The following NALCN variants were observed in gnomAD, a reference collection of about 807,000 sequenced individuals.
The protein encoded by NALCN is sodium leak channel NALCN.
In NALCN, 111 loss-of-function variants were observed where a neutral mutation model predicts 225.3. That is an observed-to-expected ratio of 0.49 (90% CI 0.42 to 0.58). The LOEUF (loss-of-function observed/expected upper bound fraction) is 0.58, where lower values mean the gene tolerates loss of function less well. Ranked by LOEUF, NALCN falls within the 20% of genes least tolerant of loss-of-function variation. The pLI is 0.00. For missense variants in NALCN, 1,378 were observed against 2,202.4 expected, an observed-to-expected ratio of 0.63 and a Z score of 7.49; for synonymous variants, 764 against 769.0, an observed-to-expected ratio of 0.99 and a Z score of 0.11.
chr13:101,251,870 G>A (rs369113170), intron 11 of NALCN, among the ~76,000 whole-genome samples: 2 of 152,132 alleles, frequency 1.3e-5, no homozygotes, highest in African/African-American at 4.8e-5. Flanking sequence ...CACCTTGGCA[G>A]TTTATGACTC....
intron 7 of NALCN, among the ~76,000 whole-genome samples, chr13:101,338,031 T>C (rs187489180): frequency 4.5e-4 from 69 of 152,320 alleles, no homozygotes; most frequent in African/African-American, 1.5e-3. Flanking sequence ...GCACATAATA[T>C]GCAATCGATA....
chr13:101,325,960 ACT>A (rs1372172492), intron 7 of NALCN, among the ~76,000 whole-genome samples: 1 of 151,992 alleles, frequency 6.6e-6, no homozygotes, highest in African/African-American at 2.4e-5. Flanking sequence ...GTTCAGTCAA[ACT>A]CTGTTAATGC....
intron 13 of NALCN, among the ~76,000 whole-genome samples, chr13:101,198,671 G>A (rs1424249356): frequency 3.3e-5 from 5 of 152,150 alleles, no homozygotes; most frequent in Admixed American, 6.5e-5. Flanking sequence ...GGAGAAATAC[G>A]AACACTTTTA....
chr13:101,061,711 C>G (rs897352573), intron 41 of NALCN, among the ~76,000 whole-genome samples: 6 of 152,076 alleles, frequency 3.9e-5, no homozygotes, highest in African/African-American at 1.4e-4. Flanking sequence ...GTCTTCATGT[C>G]ATATTATAAA....
chr13:101,269,748 A>C (rs1032754249), intron 10 of NALCN, among the ~76,000 whole-genome samples: 1 of 152,206 alleles, frequency 6.6e-6, no homozygotes, highest in Non-Finnish European at 1.5e-5. Context: ...AGGCCTCACT[A>C]TACATGTTCC....
intron 33 of NALCN, among the ~76,000 whole-genome samples, 156 bp downstream of exon 33, chr13:101,082,653 G>A (rs1270527647): frequency 1.3e-5 from 2 of 152,136 alleles, no homozygotes; most frequent in African/African-American, 4.8e-5. Context: ...GTCTTTGTTC[G>A]AGTTAAGCAG....
At chr13:101,157,720 T>C (rs2037972569) in intron 15 of NALCN, among the ~76,000 whole-genome samples, 1 of 151,626 alleles carries the variant, frequency 6.6e-6, no homozygotes, top group Admixed American at 6.6e-5. Context: ...CAGTATGACA[T>C]ATGGTTTTGA....
chr13:101,179,210 C>T (rs1265235104), intron 14 of NALCN, among the ~76,000 whole-genome samples: 1 of 152,202 alleles, frequency 6.6e-6, no homozygotes, highest in Non-Finnish European at 1.5e-5. Flanking sequence ...AGCAAACAGG[C>T]TGTGCCAGCT....
chr13:101,342,458 GC>G (rs1334497812), intron 7 of NALCN, among the ~76,000 whole-genome samples: 2 of 152,132 alleles, frequency 1.3e-5, no homozygotes, highest in African/African-American at 4.8e-5. Context: ...AGAAATGAGG[GC>G]CTCTGCCTTG....
chr13:101,280,881 TC>T (rs60312991), intron 10 of NALCN, among the ~76,000 whole-genome samples: 48,620 of 94,422 alleles, frequency 0.51, 9,457 homozygotes, highest in Middle Eastern at 0.56. Flanking sequence ...TCTCTCTCTC[TC>T]TTTTTTTTTT....
chr13:101,261,670 G>A (rs117412875), intron 10 of NALCN, among the ~76,000 whole-genome samples: 1,960 of 152,248 alleles, frequency 0.013, 13 homozygotes, highest in Middle Eastern at 0.051. Flanking sequence ...TTATAGAAAT[G>A]CTACTAATTT....
chr13:101,311,212 T>C (rs2044331408), intron 7 of NALCN, among the ~76,000 whole-genome samples: 1 of 151,516 alleles, frequency 6.6e-6, no homozygotes, highest in African/African-American at 2.4e-5. Flanking sequence ...ATTGATTTTG[T>C]ATCCTGAGAC....
chr13:101,167,696 G>T (rs61974009), intron 15 of NALCN, among the ~76,000 whole-genome samples: 36,083 of 150,936 alleles, frequency 0.24, 5,074 homozygotes, highest in Non-Finnish European at 0.32. Context: ...AAATTAGTTG[G>T]ATTTGGTGGT....
chr13:101,209,352 T>C (rs1190663831), intron 13 of NALCN, among the ~76,000 whole-genome samples: 4 of 152,208 alleles, frequency 2.6e-5, no homozygotes, highest in East Asian at 1.9e-4. Flanking sequence ...ATAATCACTG[T>C]AGAACTTGTA....
upstream of NALCN, among the ~76,000 whole-genome samples, chr13:101,416,992 A>G (rs928264757): frequency 3.9e-5 from 6 of 152,164 alleles, no homozygotes; most frequent in African/African-American, 4.8e-5. Context: ...TGAATGCATC[A>G]GTCACACTTA....
chr13:101,272,784 C>A (rs1250031723), intron 10 of NALCN, among the ~76,000 whole-genome samples: 6 of 152,104 alleles, frequency 3.9e-5, no homozygotes, highest in Non-Finnish European at 7.4e-5. Flanking sequence ...TTCTCATGGG[C>A]TCCATCAATT....
rs762453407 is a variant in NALCN, at chr13:101,055,466, T to G, written c.5046A>C (p.Ser1682=). ...LPSAPKPISH[S]VSSVNLRFGG... is the part of the protein sequence containing the mutation. ...CAAACCGTAAGTTGACTGAGGACAC[T>G]GAATGGCTTATTGGTTTTGGGGCTG... The change falls in exon 44 of 44, where the codon TCA becomes TCC. Residue 1682 remains serine (S), a synonymous_variant. Coordinates refer to ENST00000251127, the MANE Select transcript of NALCN (RefSeq NM_052867.4). 6.2e-7 allele frequency: 1 copy of G among 1,614,148 alleles called. No homozygotes were observed. The highest frequency in any genetic ancestry group is 8.5e-7 in the Non-Finnish European group (1 of 1,180,014).
intron 27 of NALCN, among the ~76,000 whole-genome samples, chr13:101,099,074 A>AAT (rs1847612394): frequency 7.2e-6 from 1 of 138,246 alleles, no homozygotes; most frequent in South Asian, 2.1e-4. Flanking sequence ...GGCCACTGTT[A>AAT]ATATACTGAG....
intron 4 of NALCN, 61 bp from the exon 5 acceptor site, chr13:101,377,117 G>A (rs2046716848): frequency 1.2e-6 from 2 of 1,602,352 alleles, no homozygotes; most frequent in Non-Finnish European, 1.7e-6. Flanking sequence ...TTATAGTCAT[G>A]GAACATACAG....
Sources: gnomAD v4.1 joint callset for allele counts (sites outside exome capture counted in the v4.1 genomes callset) on GRCh38, gnomAD v4.1.1 for gene constraint, MANE v1.5 for transcripts, NCBI Gene and HGNC (gene_info 2026-07-23, HGNC 2026-07-21) for gene names.